The following EYS variants were observed in gnomAD, a reference collection of about 807,000 sequenced individuals.
EYS encodes protein eyes shut homolog.
In EYS, 250 loss-of-function variants were observed where a neutral mutation model predicts 282.1. The observed-to-expected ratio is 0.89, with a 90% CI of 0.80 to 0.98. The LOEUF (loss-of-function observed/expected upper bound fraction) is 0.98, where lower values mean the gene tolerates loss of function less well. EYS is among the 50% of genes least tolerant of loss of function. The pLI, the probability that EYS is intolerant of heterozygous loss-of-function variation, is 0.00. For synonymous variants in EYS, 1,355 were observed against 1,282.9 expected (o/e 1.06, Z -1.20); for missense variants, 4,016 against 3,709.0 (o/e 1.08, Z -2.15).
At chr6:63,723,966 G>T (rs1768514522) in intron 42 of EYS, among the ~76,000 whole-genome samples, 1 of 151,862 alleles carries the variant, frequency 6.6e-6, no homozygotes, top group Non-Finnish European at 1.5e-5. Flanking sequence ...GGCCATCACG[G>T]CCGGCTAATT....
At chr6:64,092,538 C>A (rs1004808777) in intron 31 of EYS, among the ~76,000 whole-genome samples, 9 of 152,176 alleles carry the variant, frequency 5.9e-5, no homozygotes, top group African/African-American at 1.7e-4. Context: ...CTTTTGGCTG[C>A]ATAAATGTCT....
At chr6:63,967,167 T>C (rs1348022075) in intron 35 of EYS, among the ~76,000 whole-genome samples, 1 of 152,178 alleles carries the variant, frequency 6.6e-6, no homozygotes, top group African/African-American at 2.4e-5. Context: ...GACTGGCGGA[T>C]GGGTTGCATA....
intron 26 of EYS, among the ~76,000 whole-genome samples, chr6:64,446,744 T>C (rs1014028693): frequency 3.3e-5 from 5 of 152,112 alleles, no homozygotes; most frequent in Non-Finnish European, 7.4e-5. Context: ...TCTGTAGTGA[T>C]CAGGTAGCTT....
rs540205906 is a variant in EYS, at chr6:64,782,101, C to T, written c.3443+31277G>A. Among the ~76,000 whole-genome samples, 60 of 152,142 alleles carry T rather than the reference C, an allele frequency of 3.9e-4. 1 individual carries two copies. The highest frequency in any genetic ancestry group is 1.9e-3 in the Admixed American group (29 of 15,280). The stretch of plus-strand genomic sequence containing the variant: ...CTGTAAGATTTAGTGTTTACAATGT[C>T]TCTTGGAAACACTAAGGTTGGTATT... On this transcript the variant is annotated intron_variant, in intron 22 of 42. Coordinates refer to ENST00000503581, the MANE Select transcript of EYS (RefSeq NM_001142800.2).
intron 30 of EYS, among the ~76,000 whole-genome samples, chr6:64,301,477 G>C (rs758492941): frequency 2.2e-4 from 33 of 152,268 alleles, no homozygotes; most frequent in Admixed American, 5.9e-4. Flanking sequence ...GATGGCCCCA[G>C]TACTATGCTT....
chr6:64,242,287 G>C (rs1332052818), intron 30 of EYS, among the ~76,000 whole-genome samples: 1 of 152,082 alleles, frequency 6.6e-6, no homozygotes, highest in East Asian at 1.9e-4. Flanking sequence ...CACTATTATT[G>C]TGATCATAGA....
rs1046988857 is a variant in EYS, at chr6:65,694,540, C to T, written c.-448+12595G>A. On this transcript the variant is annotated intron_variant, in intron 1 of 42. Coordinates refer to ENST00000503581, the MANE Select transcript of EYS (RefSeq NM_001142800.2). Reference sequence around the variant, plus strand: ...GATTATAATTTCTAAGCAGAGATCGCCCTTGTGTAATCAGTAGTATAGAAG... The same window carrying T: ...GATTATAATTTCTAAGCAGAGATCGTCCTTGTGTAATCAGTAGTATAGAAG... Among the ~76,000 whole-genome samples, 9 of 149,562 alleles carry T rather than the reference C, an allele frequency of 6.0e-5. No homozygotes were observed. The Admixed American group carries it at 6.1e-4, about 10-fold the overall frequency.
intron 13 of EYS, among the ~76,000 whole-genome samples, chr6:65,005,445 C>T (rs9360108): frequency 0.077 from 11,404 of 147,182 alleles, 1,739 homozygotes; most frequent in East Asian, 0.17. Context: ...ATCTTGGAAG[C>T]GGGTCACCGC....
intron 12 of EYS, among the ~76,000 whole-genome samples, chr6:65,226,055 T>C (rs1415026990): frequency 6.6e-6 from 1 of 151,960 alleles, no homozygotes; most frequent in African/African-American, 2.4e-5. Flanking sequence ...AAGATATCTC[T>C]ATTAGAAATA....
intron 28 of EYS, among the ~76,000 whole-genome samples, chr6:64,399,731 C>A (rs907986993): frequency 1.3e-5 from 2 of 151,760 alleles, no homozygotes; most frequent in African/African-American, 4.8e-5. Flanking sequence ...CCTGGTAAGA[C>A]CCTGACTGAA....
chr6:64,492,228 T>C (rs1170558167), intron 26 of EYS, among the ~76,000 whole-genome samples: 3 of 151,170 alleles, frequency 2.0e-5, no homozygotes, highest in African/African-American at 7.3e-5. Context: ...CAAAAGTTCA[T>C]AAATATAATT....
intron 1 of EYS, among the ~76,000 whole-genome samples, chr6:65,704,027 C>A (rs571916705): frequency 1.3e-5 from 2 of 152,030 alleles, no homozygotes; most frequent in East Asian, 3.9e-4. Flanking sequence ...GCCATGGAAG[C>A]AATATTAGGC....
chr6:65,096,235 G>T (rs1420119818), intron 12 of EYS, among the ~76,000 whole-genome samples: 1 of 150,536 alleles, frequency 6.6e-6, no homozygotes, highest in South Asian at 2.1e-4. Context: ...TGAAATTAAA[G>T]ACATAATTTA....
At chr6:65,601,330 G>T (rs1027424647) in intron 2 of EYS, among the ~76,000 whole-genome samples, 3 of 151,628 alleles carry the variant, frequency 2.0e-5, no homozygotes, top group East Asian at 3.9e-4. Context: ...TGTCTACAAA[G>T]AAACCATATG....
At position 65,487,975 on chromosome 6, in the gene EYS, C is replaced by T. The variant is rs889249132; in HGVS notation, c.862+2619G>A. ...GTTTATTTGCATAGAGGTGTTTATACTATTCTCTGATGGTAGTTTGTATTT... is the reference window on the plus strand; with the variant it reads ...GTTTATTTGCATAGAGGTGTTTATATTATTCTCTGATGGTAGTTTGTATTT... On this transcript the variant is annotated intron_variant, in intron 5 of 42. Coordinates refer to ENST00000503581, the MANE Select transcript of EYS (RefSeq NM_001142800.2). 2.0e-5 allele frequency among the ~76,000 whole-genome samples: 3 copies of T among 151,910 alleles called. No homozygotes were observed. The South Asian group carries it at 6.2e-4, about 31-fold the overall frequency.
At chr6:64,810,363 TG>T (rs1172941178) in intron 22 of EYS, among the ~76,000 whole-genome samples, 2 of 152,056 alleles carry the variant, frequency 1.3e-5, no homozygotes, top group Admixed American at 1.3e-4. Context: ...ATAGCATTCA[TG>T]AAAAAAGACC....
chr6:64,845,565 T>C (rs1050990614), intron 19 of EYS, among the ~76,000 whole-genome samples: 3 of 151,778 alleles, frequency 2.0e-5, no homozygotes, highest in Admixed American at 6.6e-5. Context: ...AGCCTACTCC[T>C]AGGCCTTTTC....
intron 28 of EYS, among the ~76,000 whole-genome samples, chr6:64,428,893 AGC>A (rs1774496210): frequency 6.6e-6 from 1 of 152,166 alleles, no homozygotes; most frequent in African/African-American, 2.4e-5. Flanking sequence ...TGGGTACAAT[AGC>A]TTCCCAGTAA....
chr6:64,327,768 T>C (rs1027360903), intron 29 of EYS, among the ~76,000 whole-genome samples: 1 of 152,120 alleles, frequency 6.6e-6, no homozygotes, highest in Non-Finnish European at 1.5e-5. Flanking sequence ...AGGCCCCACC[T>C]GAAGAGTTAG....
Sources: allele counts gnomAD v4.1 joint callset (sites outside exome capture counted in the v4.1 genomes callset), GRCh38; gene constraint gnomAD v4.1.1; transcripts MANE v1.5; gene names NCBI Gene and HGNC (gene_info 2026-07-23, HGNC 2026-07-21).